Variants in CALN1 observed in about 807,000 individuals in gnomAD.
CALN1 encodes the protein calneuron 1, also known as calcium-binding protein 8.
CALN1 carries 17 observed loss-of-function variants against 30.6 expected under a neutral mutation model. That is an observed-to-expected ratio of 0.56 (90% CI 0.38 to 0.83). The LOEUF (loss-of-function observed/expected upper bound fraction) is 0.83. Among genes scored for constraint, CALN1 ranks in the 40% least tolerant of loss-of-function variants. The pLI, the probability that CALN1 is intolerant of heterozygous loss-of-function variation, is 0.00. For synonymous variants in CALN1, 156 were observed against 131.4 expected, an observed-to-expected ratio of 1.19 and a Z score of -1.28; for missense variants, 291 against 354.9, an observed-to-expected ratio of 0.82 and a Z score of 1.45.
intron 3 of CALN1, among the ~76,000 whole-genome samples, chr7:72,199,729 C>T (rs1791288020): frequency 2.0e-5 from 3 of 152,048 alleles, no homozygotes; most frequent in Admixed American, 1.3e-4. Context: ...AACCTGTAGT[C>T]CTAGCTACTT....
At chr7:72,042,659 C>G (rs1563003547) in intron 4 of CALN1, among the ~76,000 whole-genome samples, 1 of 152,056 alleles carries the variant, frequency 6.6e-6, no homozygotes, top group Non-Finnish European at 1.5e-5. Context: ...TTGCTTGAGG[C>G]CAACAGATTG....
chr7:72,137,827 TAA>T (rs888927971), intron 3 of CALN1, among the ~76,000 whole-genome samples: 15 of 152,182 alleles, frequency 9.9e-5, no homozygotes, highest in African/African-American at 3.4e-4. Context: ...CTGCTTACTG[TAA>T]AAAAGTTTAG....
At chr7:72,045,821 G>A (rs887248553) in intron 4 of CALN1, among the ~76,000 whole-genome samples, 3 of 151,794 alleles carry the variant, frequency 2.0e-5, no homozygotes, top group South Asian at 2.1e-4. Context: ...CCAACATGGT[G>A]AAACCCTGTC....
At chr7:71,980,004 T>C (rs1353752300) in intron 5 of CALN1, among the ~76,000 whole-genome samples, 3 of 149,242 alleles carry the variant, frequency 2.0e-5, no homozygotes, top group Admixed American at 6.7e-5. Flanking sequence ...CAGCCTCCCA[T>C]ATAGCTGGGA....
At chr7:72,186,998 G>T (rs1044895118) in intron 3 of CALN1, among the ~76,000 whole-genome samples, 1 of 151,058 alleles carries the variant, frequency 6.6e-6, no homozygotes, top group Admixed American at 6.6e-5. Flanking sequence ...AAAGGGACAG[G>T]GCAAGTAGGG....
chr7:72,183,990 C>G (rs1437314301), intron 3 of CALN1, among the ~76,000 whole-genome samples: 1 of 151,972 alleles, frequency 6.6e-6, no homozygotes, highest in Non-Finnish European at 1.5e-5. Context: ...CTTATGACGA[C>G]AGTTCAGTTA....
chr7:72,319,122 A>G (rs2129557111), intron 2 of CALN1, among the ~76,000 whole-genome samples: 1 of 152,362 alleles, frequency 6.6e-6, no homozygotes, highest in South Asian at 2.1e-4. Context: ...GCAAAGATAA[A>G]GAATCAACTT....
At chr7:72,142,465 G>C (rs1027617373) in intron 3 of CALN1, among the ~76,000 whole-genome samples, 1 of 152,184 alleles carries the variant, frequency 6.6e-6, no homozygotes, top group African/African-American at 2.4e-5. Flanking sequence ...GGTAAAAAAA[G>C]TGGCCAGGAA....
chr7:72,210,220 G>C (rs1266170461), intron 3 of CALN1, among the ~76,000 whole-genome samples: 3 of 152,010 alleles, frequency 2.0e-5, no homozygotes, highest in African/African-American at 7.2e-5. Flanking sequence ...GCCTCCCCTT[G>C]AGGCATGCCT....
chr7:72,292,128 C>G (rs936607379), intron 2 of CALN1, among the ~76,000 whole-genome samples: 2 of 151,998 alleles, frequency 1.3e-5, no homozygotes, highest in Non-Finnish European at 2.9e-5. Flanking sequence ...TTGCACCAAC[C>G]ATTACTTTCA....
the CALN1 span, among the ~76,000 whole-genome samples, chr7:72,454,619 C>T: frequency 6.6e-6 from 1 of 152,136 alleles, no homozygotes; most frequent in Non-Finnish European, 1.5e-5. Flanking sequence ...CAGAAGTATT[C>T]CTTCACTACA....
intron 5 of CALN1, among the ~76,000 whole-genome samples, chr7:71,819,110 C>A (rs1395804083): frequency 1.3e-5 from 2 of 152,134 alleles, no homozygotes; most frequent in African/African-American, 2.4e-5. Flanking sequence ...CCACTTCAGC[C>A]TCCTGAGTAG....
chr7:71,984,761 T>C (rs1409644130), intron 5 of CALN1, among the ~76,000 whole-genome samples: 3 of 152,266 alleles, frequency 2.0e-5, no homozygotes, highest in African/African-American at 7.2e-5. Context: ...CTGACAGCAA[T>C]AACTTTAGCA....
intron 2 of CALN1, among the ~76,000 whole-genome samples, chr7:72,298,619 G>A (rs1799030305): frequency 6.6e-6 from 1 of 152,056 alleles, no homozygotes; most frequent in African/African-American, 2.4e-5. Context: ...TATTAGTCTA[G>A]TTGAAGCAAA....
At chr7:72,041,235 G>A (rs1802105267) in intron 4 of CALN1, among the ~76,000 whole-genome samples, 1 of 152,086 alleles carries the variant, frequency 6.6e-6, no homozygotes, top group Non-Finnish European at 1.5e-5. Flanking sequence ...CCAATCAAGG[G>A]CAGGTGGTTA....
chr7:72,044,684 T>G (rs1802357858), intron 4 of CALN1, among the ~76,000 whole-genome samples: 1 of 142,156 alleles, frequency 7.0e-6, no homozygotes, highest in Admixed American at 7.8e-5. Context: ...CAATCACAGC[T>G]CATTGCAGGC....
At chr7:72,083,977 G>A (rs1411323496) in intron 4 of CALN1, among the ~76,000 whole-genome samples, 1 of 152,074 alleles carries the variant, frequency 6.6e-6, no homozygotes, top group Non-Finnish European at 1.5e-5. Flanking sequence ...GAGAGACCAA[G>A]GTGGGTGGAT....
chr7:72,369,281 C>T (rs1417683604), intron 2 of CALN1, among the ~76,000 whole-genome samples: 1 of 145,940 alleles, frequency 6.9e-6, no homozygotes, highest in Non-Finnish European at 1.5e-5. Context: ...GTGTTATATA[C>T]ATATAAAATA....
chr7:71,930,763 T>C (rs1370901026), intron 5 of CALN1, among the ~76,000 whole-genome samples: 1 of 152,206 alleles, frequency 6.6e-6, no homozygotes, highest in African/African-American at 2.4e-5. Context: ...TATTCTGGTG[T>C]CCCAGTTCCA....
Sources: allele counts gnomAD v4.1 joint callset (sites outside exome capture counted in the v4.1 genomes callset), GRCh38; gene constraint gnomAD v4.1.1; transcripts MANE v1.5; gene names NCBI Gene and HGNC (gene_info 2026-07-23, HGNC 2026-07-21).